The following WFDC1 variants were observed in gnomAD, a reference collection of about 807,000 sequenced individuals.
WFDC1 encodes WAP four-disulfide core domain 1, also known as WAP four-disulfide core domain protein 1.
Under a neutral mutation model 32.9 loss-of-function variants are expected in WFDC1, and 39 were observed. The ratio of observed to expected loss-of-function variants is 1.19; its 90% CI spans 0.92 to 1.55. The LOEUF (loss-of-function observed/expected upper bound fraction) is 1.55. WFDC1 is among the 40% of genes most tolerant of loss of function. The pLI is 0.00. For synonymous variants in WFDC1, 184 were observed against 137.4 expected (o/e 1.34, Z -2.37); for missense variants, 386 against 309.5 (o/e 1.25, Z -1.85).
chr16:84,320,941 A>G (rs1272730669), intron 4 of WFDC1, among the ~76,000 whole-genome samples: 1 of 152,178 alleles, frequency 6.6e-6, no homozygotes, highest in Non-Finnish European at 1.5e-5. Flanking sequence ...TCAGTCATGC[A>G]TTTAATGTCA....
intron 6 of WFDC1, chr16:84,327,243 T>C: frequency 5.5e-6 from 2 of 362,546 alleles, no homozygotes; most frequent in Non-Finnish European, 1.0e-5. Context: ...CAGGCTGGAG[T>C]GCACTGGCAC....
chr16:84,305,373 C>T (rs1192761921), intron 1 of WFDC1, among the ~76,000 whole-genome samples: 1 of 152,248 alleles, frequency 6.6e-6, no homozygotes, highest in Non-Finnish European at 1.5e-5. Context: ...TGCTCTTGCA[C>T]ATGCTGGGTG....
chr16:84,327,044 A>T (rs776485260), intron 6 of WFDC1, 89 bp downstream of exon 6: 8 of 1,330,830 alleles, frequency 6.0e-6, no homozygotes, highest in Non-Finnish European at 8.6e-6. Flanking sequence ...GAGGAGCAGG[A>T]GGGTGAGAGT....
chr16:84,298,155 C>A (rs1906721212), intron 1 of WFDC1, among the ~76,000 whole-genome samples: 1 of 151,238 alleles, frequency 6.6e-6, no homozygotes, highest in Non-Finnish European at 1.5e-5. Flanking sequence ...TTTTTTAAGA[C>A]AGAGTCCCGT....
intron 1 of WFDC1, among the ~76,000 whole-genome samples, chr16:84,298,298 G>T (rs1201793329): frequency 1.3e-5 from 2 of 151,992 alleles, no homozygotes; most frequent in African/African-American, 2.4e-5. Context: ...TAGTAGAGAT[G>T]GGGTTTTGCT....
At chr16:84,303,724 T>C (rs546733209) in intron 1 of WFDC1, among the ~76,000 whole-genome samples, 34 of 152,308 alleles carry the variant, frequency 2.2e-4, no homozygotes, top group Non-Finnish European at 4.1e-4. Context: ...AATTCAGTGG[T>C]GTTTAGTATA....
chr16:84,321,940 T>G (rs1440535434), intron 4 of WFDC1, among the ~76,000 whole-genome samples: 3 of 152,226 alleles, frequency 2.0e-5, no homozygotes, highest in African/African-American at 4.8e-5. Flanking sequence ...CCATAGTGAC[T>G]ACTTCATGGG....
chr16:84,306,742 G>C (rs577696511), intron 1 of WFDC1, among the ~76,000 whole-genome samples: 1 of 148,624 alleles, frequency 6.7e-6, no homozygotes, highest in East Asian at 2.0e-4. Flanking sequence ...AAACTGCCAG[G>C]GTGTGTTGAC....
At chr16:84,317,616 C>A (rs1908038664) in intron 2 of WFDC1, 1 of 152,738 alleles carries the variant, frequency 6.5e-6, no homozygotes, top group African/African-American at 2.4e-5. Flanking sequence ...ATGGGATCAC[C>A]TGTACACCAA....
At chr16:84,300,409 G>T (rs796650217) in intron 1 of WFDC1, among the ~76,000 whole-genome samples, 4 of 152,228 alleles carry the variant, frequency 2.6e-5, no homozygotes, top group East Asian at 1.9e-4. Flanking sequence ...CCTGAAGGGC[G>T]CCTTCCCTTT....
At chr16:84,316,363 AG>A (rs1257972518) in intron 2 of WFDC1, 1 of 152,246 alleles carries the variant, frequency 6.6e-6, no homozygotes, top group African/African-American at 2.4e-5. Flanking sequence ...CTCTTTATAA[AG>A]ATAAATATTA....
At position 84,323,765 on chromosome 16, in the gene WFDC1, A is replaced by G. The variant is rs112111675; in HGVS notation, c.563-654A>G. 2.7e-3 allele frequency among the ~76,000 whole-genome samples: 409 copies of G among 152,332 alleles called. 2 individuals are homozygous for G. Among genetic ancestry groups the G allele is most frequent in the African/African-American group, 9.2e-3 (382 of 41,578 alleles). The stretch of plus-strand genomic sequence containing the variant: ...AGTGTCATCTCTTCCCCCTGTGAAC[A>G]TATTTTGTAATGACATTTACTCAAC... On this transcript the variant is annotated intron_variant, in intron 4 of 6. Coordinates refer to ENST00000219454, the MANE Select transcript of WFDC1 (RefSeq NM_021197.4).
At chr16:84,313,666 AC>A (rs1907782367) in intron 2 of WFDC1, among the ~76,000 whole-genome samples, 1 of 152,152 alleles carries the variant, frequency 6.6e-6, no homozygotes. Flanking sequence ...CAGGCCCGCC[AC>A]ACTTCTCATG....
intron 1 of WFDC1, among the ~76,000 whole-genome samples, chr16:84,297,159 A>G (rs1338366362): frequency 1.3e-5 from 2 of 152,110 alleles, no homozygotes; most frequent in Admixed American, 6.6e-5. Context: ...GGGAGTCTCT[A>G]AAACACAGGC....
chr16:84,314,838 T>G (rs745425679), intron 2 of WFDC1, among the ~76,000 whole-genome samples: 2 of 152,216 alleles, frequency 1.3e-5, no homozygotes, highest in African/African-American at 4.8e-5. Context: ...TGACCTGACA[T>G]AGGGATTCTA....
At chr16:84,324,582 A>G in intron 5 of WFDC1, 122 bp downstream of exon 5, 1 of 1,106,852 alleles carries the variant, frequency 9.0e-7, no homozygotes, top group South Asian at 1.5e-5. Context: ...GGGACCTGGG[A>G]TTAAGAAACA....
At position 84,319,389 on chromosome 16, in the gene WFDC1, G is replaced by A. The variant is rs764172761; in HGVS notation, c.422-42G>A. ...AGACCCTAGCATGTGCACCTGTCCT[G>A]GGAGTCGGCCTTCTAGACCCCAGCG... On this transcript the variant is annotated intron_variant, in intron 3 of 6. Coordinates refer to ENST00000219454, the MANE Select transcript of WFDC1 (RefSeq NM_021197.4). 4 of 1,598,252 alleles carry A rather than the reference G, an allele frequency of 2.5e-6. No individual in the cohort carries two copies. In the South Asian group the frequency reaches 4.4e-5, roughly 18 times the overall value.
chr16:84,295,126 G>A lies in WFDC1; in HGVS notation c.144+11G>A. On this transcript the variant is annotated intron_variant, in intron 1 of 6. Transcript: ENST00000219454. Reference sequence around the variant, plus strand: ...GCCGAGAAATCCCGTGTAAGTGCCTGGGATGGGGAGGCTGGGGCAGCCTGT... The same window carrying A: ...GCCGAGAAATCCCGTGTAAGTGCCTAGGATGGGGAGGCTGGGGCAGCCTGT... 1 of 1,613,210 alleles carries A rather than the reference G, an allele frequency of 6.2e-7. No individual in the cohort carries two copies. Among genetic ancestry groups the A allele is most frequent in the South Asian group, 1.1e-5 (1 of 90,894 alleles).
At chr16:84,314,468 C>T (rs1391520203) in intron 2 of WFDC1, among the ~76,000 whole-genome samples, 1 of 152,048 alleles carries the variant, frequency 6.6e-6, no homozygotes, top group African/African-American at 2.4e-5. Context: ...TTCCCATGGG[C>T]CTTAATTAGG....
Sources: allele counts gnomAD v4.1 joint callset (sites outside exome capture counted in the v4.1 genomes callset), GRCh38; gene constraint gnomAD v4.1.1; transcripts MANE v1.5; gene names NCBI Gene and HGNC (gene_info 2026-07-23, HGNC 2026-07-21).